DDX31: variants seen among roughly 807,000 people sequenced by gnomAD.
DDX31 encodes the protein DEAD-box helicase 31, also known as ATP-dependent DNA helicase DDX31.
DDX31 carries 70 observed loss-of-function variants against 91.3 expected under a neutral mutation model. That is an observed-to-expected ratio of 0.77 (90% CI 0.63 to 0.94). The LOEUF (loss-of-function observed/expected upper bound fraction) is 0.94. DDX31 is among the 40% of genes least tolerant of loss of function. The pLI is 0.00. For synonymous variants in DDX31, 362 were observed against 350.6 expected (o/e 1.03, Z -0.36); for missense variants, 902 against 925.0 (o/e 0.98, Z 0.32).
intron 19 of DDX31, among the ~76,000 whole-genome samples, chr9:132,600,565 A>G (rs1355793183): frequency 6.6e-6 from 1 of 152,196 alleles, no homozygotes; most frequent in African/African-American, 2.4e-5. Flanking sequence ...GGCCCGGCAC[A>G]CTTGCTGCCT....
rs753763990 is a variant in DDX31 at position 132,630,743 on chromosome 9, G to T, written c.1492-340C>A. Among the ~76,000 whole-genome samples the T allele has an allele frequency of 3.4e-4, 52 of 152,332 alleles. 1 individual carries two copies. Among genetic ancestry groups the T allele is most frequent in the Admixed American group, 1.1e-3 (17 of 15,310 alleles). Reference sequence around the variant, plus strand: ...GGTGACTGGATGAGGTGAAAATGTAGGCAGGTGGGGGTAAATTTCTCCAGG... The same window carrying T: ...GGTGACTGGATGAGGTGAAAATGTATGCAGGTGGGGGTAAATTTCTCCAGG... On this transcript the variant is annotated intron_variant, in intron 15 of 19. Transcript: ENST00000372159.
At chr9:132,661,141 C>T in intron 4 of DDX31, 67 bp downstream of exon 4, 1 of 1,425,348 alleles carries the variant, frequency 7.0e-7, no homozygotes. Context: ...CTGCCTTGCA[C>T]ACACAGGTTT....
At chr9:132,669,441 ACT>A (rs1451173929) in intron 1 of DDX31, 2 of 501,222 alleles carry the variant, frequency 4.0e-6, no homozygotes, top group African/African-American at 4.0e-5. Flanking sequence ...GTAGGGCATG[ACT>A]CTTCCCAGAC....
intron 19 of DDX31, among the ~76,000 whole-genome samples, chr9:132,611,809 T>C (rs1226135866): frequency 6.6e-6 from 1 of 151,770 alleles, no homozygotes; most frequent in Non-Finnish European, 1.5e-5. Context: ...CCAGAATGTG[T>C]CATACACATC....
At chr9:132,668,453 G>A (rs951266029) in intron 1 of DDX31, among the ~76,000 whole-genome samples, 3 of 152,044 alleles carry the variant, frequency 2.0e-5, no homozygotes, top group African/African-American at 4.8e-5. Context: ...GACCAAAAGA[G>A]TTAAACTCAA....
chr9:132,662,056 G>C (rs1427721823), intron 3 of DDX31, among the ~76,000 whole-genome samples: 2 of 152,098 alleles, frequency 1.3e-5, no homozygotes, highest in Admixed American at 6.5e-5. Flanking sequence ...ATGGGGGAAG[G>C]GGGGGCCAGA....
chr9:132,650,990 T>A (rs1834147785), intron 8 of DDX31, 85 bp downstream of exon 8: 1 of 1,295,756 alleles, frequency 7.7e-7, no homozygotes, highest in Non-Finnish European at 1.1e-6. Flanking sequence ...CTTATCTCTT[T>A]GAAAATAAAG....
At position 132,650,815 on chromosome 9, in the gene DDX31, A is replaced by C. The variant is rs180680915; in HGVS notation, c.675+260T>G. Among the ~76,000 whole-genome samples, 5 of 152,302 alleles carry C rather than the reference A, an allele frequency of 3.3e-5. No homozygotes were observed. The East Asian group carries it at 9.6e-4, about 29-fold the overall frequency. On this transcript the variant is annotated intron_variant, in intron 8 of 19. Transcript: ENST00000372159. Reference sequence around the variant, plus strand: ...GATCACCATCAGGCTGTACCTGTGAATTTCTGTATGTGGCTTGCTAGTGAC... The same window carrying C: ...GATCACCATCAGGCTGTACCTGTGACTTTCTGTATGTGGCTTGCTAGTGAC...
intron 14 of DDX31, chr9:132,637,922 G>GTA: frequency 1.0e-6 from 1 of 996,610 alleles, no homozygotes; most frequent in Non-Finnish European, 1.2e-6. Context: ...CTTCACAGCC[G>GTA]TATCTCCTTT....
chr9:132,654,830 C>T (rs1026379344), intron 6 of DDX31, among the ~76,000 whole-genome samples: 2 of 150,964 alleles, frequency 1.3e-5, no homozygotes, highest in Non-Finnish European at 2.9e-5. Flanking sequence ...TCTGTAATCC[C>T]AGCTGCTTGG....
Position 132,642,066 on chromosome 9 carries a change from A to G in DDX31, c.1381-3T>C, listed in dbSNP as rs1351900019. 6.2e-7 allele frequency: 1 copy of G among 1,614,072 alleles called. No homozygotes were observed. Among genetic ancestry groups the G allele is most frequent in the South Asian group, 1.1e-5 (1 of 91,074 alleles). On this transcript the variant is annotated splice_polypyrimidine_tract_variant and splice_region_variant and intron_variant, in intron 13 of 19. Transcript: ENST00000372159. ...TCCTGAAACACTGCTGTTCTTTCCT[A>G]CAAAAACAAGGAAAAATAGAGCCTT...
intron 17 of DDX31, among the ~76,000 whole-genome samples, chr9:132,622,587 A>G (rs1465323974): frequency 2.0e-5 from 3 of 152,228 alleles, no homozygotes; most frequent in Non-Finnish European, 4.4e-5. Context: ...ACTCGGGGAT[A>G]AAGACTGACA....
chr9:132,610,948 C>T (rs1424329759), intron 19 of DDX31, among the ~76,000 whole-genome samples: 3 of 152,180 alleles, frequency 2.0e-5, no homozygotes, highest in Admixed American at 2.0e-4. Context: ...GGTGGTCCCT[C>T]TGTCTTTGCC....
In DDX31 at chr9:132,664,477, G is replaced by A. The variant is rs142392446; in HGVS notation, c.76-1782C>T. Reference sequence around the variant, plus strand: ...TAATCCCAGCACTTTGTGAGGCTGAGGTGAGCTGATTGCTTGAGGCCAGGA... The same window carrying A: ...TAATCCCAGCACTTTGTGAGGCTGAAGTGAGCTGATTGCTTGAGGCCAGGA... On this transcript the variant is annotated intron_variant, in intron 1 of 19. Transcript: ENST00000372159. Among the ~76,000 whole-genome samples the A allele has an allele frequency of 6.6e-5, 10 of 152,254 alleles. No homozygotes were observed. In the South Asian group the frequency reaches 1.5e-3, roughly 22 times the overall value.
intron 1 of DDX31, chr9:132,663,103 G>T: frequency 1.8e-6 from 2 of 1,135,250 alleles, no homozygotes; most frequent in Non-Finnish European, 2.4e-6. Context: ...GAAAAGAGGG[G>T]TGGGGGAAAA....
chr9:132,630,398 G>A lies in DDX31; in HGVS notation c.1497C>T (p.Asn499=), dbSNP rs533793755. Residue 499 remains asparagine (N), a synonymous_variant, in exon 16 of 20, where the codon AAC becomes AAT. Coordinates refer to ENST00000372159, the MANE Select transcript of DDX31 (RefSeq NM_022779.9). ...LPQVTWIVQY[N]APSSPAEYIH... The stretch of plus-strand genomic sequence containing the variant: ...TGTATTCTGCAGGTGAAGATGGAGC[G>A]TTGTACTAAAAAGGGTAACAAAAAT... 3.5e-5 allele frequency: 56 copies of A among 1,586,892 alleles called. No individual in the cohort carries two copies. The highest frequency in any genetic ancestry group is 3.1e-4 in the South Asian group (28 of 89,072).
rs1832348762 is a variant in DDX31, at chr9:132,625,666, G to A, written c.1711C>T (p.Gln571Ter). 6.2e-7 allele frequency: 1 copy of A among 1,613,282 alleles called. No individual in the cohort carries two copies. The highest frequency in any genetic ancestry group is 8.5e-7 in the Non-Finnish European group (1 of 1,179,426). The change falls in exon 17 of 20, where the codon CAG becomes TAG. Residue 571 changes from glutamine (Q) to a stop codon, truncating the protein, a stop_gained and splice_region_variant. Transcript: ENST00000372159. LOFTEE classifies it high-confidence loss of function. ...GCACAATAAATAACAAAACTCACCT[G>A]GGCTCCCCATCGTTTCCCTTTAAAA... ...DCFKGKRWGA[Q>*]KSHAVGPQEI...
In DDX31 at chr9:132,596,711, C is replaced by T. The variant is rs149223230; in HGVS notation, c.1995-1599G>A. Among the ~76,000 whole-genome samples the T allele has an allele frequency of 2.6e-4, 39 of 152,308 alleles. No individual in the cohort carries two copies. The East Asian group carries it at 6.6e-3, about 26-fold the overall frequency. The stretch of plus-strand genomic sequence containing the variant: ...CAAGAGGCAAACTCAGGGCAGAGAA[C>T]GATTTGCCGGGTCAGCGGGGGCAGG... On this transcript the variant is annotated intron_variant, in intron 19 of 19. Coordinates refer to ENST00000372159, the MANE Select transcript of DDX31 (RefSeq NM_022779.9).
At chr9:132,616,836 C>T (rs888806559) in intron 18 of DDX31, among the ~76,000 whole-genome samples, 1 of 152,186 alleles carries the variant, frequency 6.6e-6, no homozygotes, top group South Asian at 2.1e-4. Flanking sequence ...CATCTTTTAC[C>T]TTGTGTGGTT....
Sources: gnomAD v4.1 joint callset for allele counts (sites outside exome capture counted in the v4.1 genomes callset) on GRCh38, gnomAD v4.1.1 for gene constraint, MANE v1.5 for transcripts, NCBI Gene and HGNC (gene_info 2026-07-23, HGNC 2026-07-21) for gene names.